Variants in TTC28 observed in about 807,000 individuals in gnomAD.
The protein encoded by TTC28 is tetratricopeptide repeat protein 28.
TTC28 carries 61 observed loss-of-function variants against 198.0 expected under a neutral mutation model. The observed-to-expected ratio is 0.31, with a 90% CI of 0.25 to 0.38. The LOEUF (loss-of-function observed/expected upper bound fraction) is 0.38, where lower values mean the gene tolerates loss of function less well. Among genes scored for constraint, TTC28 ranks in the 10% least tolerant of loss-of-function variants. The probability of loss-of-function intolerance (pLI) is 1.00; values close to 1 mark genes in which losing one functional copy is unlikely to be tolerated. For synonymous variants in TTC28, 1,171 were observed against 1,297.8 expected, an observed-to-expected ratio of 0.90 and a Z score of 2.10; for missense variants, 2,678 against 3,164.0, an observed-to-expected ratio of 0.85 and a Z score of 3.69.
At chr22:28,227,376 C>A (rs5762528) in intron 5 of TTC28, among the ~76,000 whole-genome samples, 78,739 of 152,022 alleles carry the variant, frequency 0.52, 20,885 homozygotes, top group African/African-American at 0.61. Context: ...TGACACAGCT[C>A]AAAATCAATC....
chr22:28,086,049 C>G (rs1371925285), intron 12 of TTC28, among the ~76,000 whole-genome samples: 1 of 152,086 alleles, frequency 6.6e-6, no homozygotes, highest in Non-Finnish European at 1.5e-5. Context: ...CTTAGACTCC[C>G]ACACAATAAT....
rs373335266 is a variant in TTC28 at position 28,465,038 on chromosome 22, C to G, written c.382-158395G>C. On this transcript the variant is annotated intron_variant, in intron 2 of 22. Transcript: ENST00000397906. ...ACTTTCTTACTGGATTTCTGTACCTCTGTGTGTCCAGTGATCATATATAAC... is the reference window on the plus strand; with the variant it reads ...ACTTTCTTACTGGATTTCTGTACCTGTGTGTGTCCAGTGATCATATATAAC... 2.0e-5 allele frequency among the ~76,000 whole-genome samples: 3 copies of G among 152,164 alleles called. No individual in the cohort carries two copies. The East Asian group carries it at 5.8e-4, about 29-fold the overall frequency.
At chr22:28,649,750 T>C (rs1007203969) in intron 1 of TTC28, among the ~76,000 whole-genome samples, 1 of 152,212 alleles carries the variant, frequency 6.6e-6, no homozygotes, top group Non-Finnish European at 1.5e-5. Flanking sequence ...AATGACAGAT[T>C]CAAATATACA....
chr22:28,289,664 T>G (rs551591248), intron 5 of TTC28, among the ~76,000 whole-genome samples: 11 of 152,088 alleles, frequency 7.2e-5, no homozygotes, highest in Non-Finnish European at 1.6e-4. Flanking sequence ...CACTTGTGAA[T>G]AGCCACCGCA....
chr22:28,406,762 G>A (rs950700701), intron 2 of TTC28, among the ~76,000 whole-genome samples: 7 of 152,136 alleles, frequency 4.6e-5, no homozygotes, highest in Admixed American at 2.0e-4. Context: ...GTCTGTGCTC[G>A]CCCTTTAACA....
At position 28,112,612 on chromosome 22, in the gene TTC28, A is replaced by T. The variant is rs56759848; in HGVS notation, c.1442-4209T>A. Among the ~76,000 whole-genome samples, 738 of 152,272 alleles carry T rather than the reference A, an allele frequency of 4.8e-3. 5 individuals carry two copies. Among genetic ancestry groups the T allele is most frequent in the African/African-American group, 0.017 (714 of 41,554 alleles). ...TGCCAGCCTGGGGAATTCTGAATGG[A>T]ACATGACACACTCTTGGCAGCCTTT... On this transcript the variant is annotated intron_variant, in intron 6 of 22. Coordinates refer to ENST00000397906, the MANE Select transcript of TTC28 (RefSeq NM_001145418.2).
chr22:28,507,714 T>G (rs1402311471), intron 2 of TTC28, among the ~76,000 whole-genome samples: 1 of 152,194 alleles, frequency 6.6e-6, no homozygotes, highest in African/African-American at 2.4e-5. Context: ...GACCTGTTAG[T>G]GTAAACCCTA....
rs532436192 is a variant in TTC28 at position 28,037,382 on chromosome 22, T to C, written c.3933-7016A>G. On this transcript the variant is annotated intron_variant, in intron 12 of 22. Coordinates refer to ENST00000397906, the MANE Select transcript of TTC28 (RefSeq NM_001145418.2). ...TTCAACATACGAAAATCAATAAACG[T>C]AATCCAGCATATAAACAGAACCAAT... 1.3e-3 allele frequency among the ~76,000 whole-genome samples: 192 copies of C among 152,314 alleles called. 1 individual carries two copies. Among genetic ancestry groups the C allele is most frequent in the Admixed American group, 2.4e-3 (37 of 15,294 alleles).
chr22:28,531,049 C>T (rs2049124827), intron 2 of TTC28, among the ~76,000 whole-genome samples: 2 of 152,172 alleles, frequency 1.3e-5, no homozygotes, highest in Admixed American at 1.3e-4. Context: ...ATCAAATTCA[C>T]ACATAACAAT....
chr22:28,258,816 TGAAGAA>T (rs1569226052), intron 5 of TTC28, among the ~76,000 whole-genome samples: 1 of 152,088 alleles, frequency 6.6e-6, no homozygotes, highest in Non-Finnish European at 1.5e-5. Context: ...CAAGAGCTGA[TGAAGAA>T]GAGGGACATA....
chr22:28,447,285 T>TA (rs1318307843), intron 2 of TTC28, among the ~76,000 whole-genome samples: 1 of 152,150 alleles, frequency 6.6e-6, no homozygotes, highest in Non-Finnish European at 1.5e-5. Flanking sequence ...AACCTAAAGA[T>TA]ACATGAATCA....
chr22:28,003,219 C>G (rs1049906096), intron 14 of TTC28, among the ~76,000 whole-genome samples: 1 of 152,064 alleles, frequency 6.6e-6, no homozygotes, highest in African/African-American at 2.4e-5. Context: ...GTAAAGGTGG[C>G]TCAGGGGGCT....
chr22:27,983,693 C>A lies in TTC28; in HGVS notation c.5974G>T (p.Val1992Leu). 1 of 1,550,144 alleles carries A rather than the reference C, an allele frequency of 6.5e-7. No homozygotes were observed. Among genetic ancestry groups the A allele is most frequent in the Non-Finnish European group, 8.7e-7 (1 of 1,146,290 alleles). Reference protein sequence around the residue: ...ADSIASDAISVYSLSSIASSM... With the variant: ...ADSIASDAISLYSLSSIASSM... ...GAGGCAATGGAGCTCAGACTGTACA[C>A]AGAGATGGCATCTGAGGCGATGCTG... The change falls in exon 23 of 23, where the codon GTG becomes TTG. Residue 1992 changes from valine (V) to leucine (L), a missense_variant. Val to Leu is a conservative substitution (Grantham distance 32). This residue lies in a region of TTC28 where 622 missense variants were observed against 656.0 expected (regional missense o/e 0.95). Coordinates refer to ENST00000397906, the MANE Select transcript of TTC28 (RefSeq NM_001145418.2).
At chr22:28,568,688 G>C (rs1227776773) in intron 2 of TTC28, among the ~76,000 whole-genome samples, 4 of 152,148 alleles carry the variant, frequency 2.6e-5, no homozygotes, top group Non-Finnish European at 5.9e-5. Flanking sequence ...AAAACATGCT[G>C]AACAAAATTA....
intron 2 of TTC28, among the ~76,000 whole-genome samples, chr22:28,509,766 T>C (rs2048663134): frequency 6.7e-6 from 1 of 149,996 alleles, no homozygotes; most frequent in South Asian, 2.1e-4. Flanking sequence ...TTTTAAATAA[T>C]AAAATAGATG....
intron 1 of TTC28, among the ~76,000 whole-genome samples, chr22:28,649,935 G>A (rs959907391): frequency 6.6e-6 from 1 of 152,090 alleles, no homozygotes; most frequent in Non-Finnish European, 1.5e-5. Context: ...ACTGATCTCT[G>A]AACTTATTGG....
intron 1 of TTC28, among the ~76,000 whole-genome samples, chr22:28,639,881 T>C (rs2146233064): frequency 6.6e-6 from 1 of 152,292 alleles, no homozygotes; most frequent in East Asian, 1.9e-4. Context: ...GAAATGACCA[T>C]GTAACAAAGA....
intron 6 of TTC28, among the ~76,000 whole-genome samples, chr22:28,127,727 T>C (rs1230944188): frequency 6.6e-6 from 1 of 152,098 alleles, no homozygotes; most frequent in East Asian, 1.9e-4. Flanking sequence ...AAATTTAAAT[T>C]ACGTATGTGC....
intron 1 of TTC28, among the ~76,000 whole-genome samples, chr22:28,648,775 G>A (rs2051520455): frequency 6.6e-6 from 1 of 152,172 alleles, no homozygotes; most frequent in Non-Finnish European, 1.5e-5. Flanking sequence ...TGGGCGTGGT[G>A]GCCTGTGCCT....
Sources: gnomAD v4.1 joint callset for allele counts (sites outside exome capture counted in the v4.1 genomes callset) on GRCh38, gnomAD v4.1.1 for gene constraint, gnomAD v4.1.1 regional missense constraint, MANE v1.5 for transcripts, NCBI Gene and HGNC (gene_info 2026-07-23, HGNC 2026-07-21) for gene names.